CYP4X1: variants seen among roughly 807,000 people sequenced by gnomAD.
CYP4X1 encodes cytochrome P450 4X1.
CYP4X1 carries 44 observed loss-of-function variants against 57.9 expected under a neutral mutation model. The ratio of observed to expected loss-of-function variants is 0.76; its 90% CI spans 0.60 to 0.98. The LOEUF (loss-of-function observed/expected upper bound fraction) is 0.98, where lower values mean the gene tolerates loss of function less well. CYP4X1 is among the 50% of genes least tolerant of loss of function. The pLI is 0.00. For missense variants in CYP4X1, 532 were observed against 623.9 expected, an observed-to-expected ratio of 0.85 and a Z score of 1.57; for synonymous variants, 227 against 228.6, an observed-to-expected ratio of 0.99 and a Z score of 0.06.
chr1:47,005,921 C>T, the CYP4X1 span, among the ~76,000 whole-genome samples: 1 of 152,110 alleles, frequency 6.6e-6, no homozygotes, highest in Non-Finnish European at 1.5e-5. Context: ...GCTAAATCTC[C>T]TGAGTTATTG....
At chr1:47,002,578 C>T in the CYP4X1 span, among the ~76,000 whole-genome samples, 1 of 152,226 alleles carries the variant, frequency 6.6e-6, no homozygotes, top group Non-Finnish European at 1.5e-5. Context: ...CTTGTTTCTA[C>T]TGTTTACATC....
intron 1 of CYP4X1, among the ~76,000 whole-genome samples, chr1:47,028,981 C>A (rs903497405): frequency 2.0e-5 from 3 of 152,176 alleles, no homozygotes; most frequent in African/African-American, 7.2e-5. Flanking sequence ...GACTCTCAAC[C>A]TTTCAGTGGC....
rs1553152516 is a variant in CYP4X1 at position 47,036,370 on chromosome 1, T to TATATATATATATATATATATATATA, written c.775+199_775+200insATATATATATATATATATATATATA. Among the ~76,000 whole-genome samples the TATATATATATATATATATATATATA allele has an allele frequency of 3.2e-3, 410 of 129,712 alleles. 7 individuals are homozygous for TATATATATATATATATATATATATA. Among genetic ancestry groups the TATATATATATATATATATATATATA allele is most frequent in the East Asian group, 0.011 (30 of 2,786 alleles). 85.1% of individuals were successfully genotyped at this position (129,712 alleles called of 152,430 possible). The stretch of plus-strand genomic sequence containing the variant: ...AACCATAGCAGTATTATCAGAATTT[T>TATATATATATATATATATATATATA]TATATATATATATATACACTATTTT... On this transcript the variant is annotated intron_variant, in intron 6 of 11. Transcript: ENST00000371901.
chr1:46,965,997 C>T, the CYP4X1 span, among the ~76,000 whole-genome samples: 1 of 152,330 alleles, frequency 6.6e-6, no homozygotes, highest in African/African-American at 2.4e-5. Context: ...TCTGGCAAGG[C>T]AGCTGTGCTG....
At chr1:47,028,975 CT>C (rs1452091963) in intron 1 of CYP4X1, among the ~76,000 whole-genome samples, 1 of 152,216 alleles carries the variant, frequency 6.6e-6, no homozygotes, top group Non-Finnish European at 1.5e-5. Context: ...TTTCAAGACT[CT>C]CAACCTTTCA....
chr1:46,969,151 G>C, the CYP4X1 span, among the ~76,000 whole-genome samples: 58 of 152,230 alleles, frequency 3.8e-4, no homozygotes, highest in Non-Finnish European at 6.6e-4. Context: ...GTTCACAGGA[G>C]ATCTGGTTCT....
the CYP4X1 span, among the ~76,000 whole-genome samples, chr1:46,981,970 C>T: frequency 6.6e-6 from 1 of 152,012 alleles, no homozygotes; most frequent in Non-Finnish European, 1.5e-5. Flanking sequence ...CATCACACAC[C>T]AGGGCCTGTC....
chr1:47,008,496 C>T, the CYP4X1 span, among the ~76,000 whole-genome samples: 3 of 152,192 alleles, frequency 2.0e-5, no homozygotes, highest in Admixed American at 6.5e-5. Context: ...CCATCAAGGG[C>T]AGGAAAAAAC....
the CYP4X1 span, among the ~76,000 whole-genome samples, chr1:46,979,192 T>C: frequency 6.6e-6 from 1 of 152,060 alleles, no homozygotes; most frequent in African/African-American, 2.4e-5. Flanking sequence ...CAGGAGCTGG[T>C]TTTTTGAAAA....
the CYP4X1 span, among the ~76,000 whole-genome samples, chr1:47,009,835 C>T: frequency 2.0e-5 from 3 of 152,232 alleles, no homozygotes; most frequent in Admixed American, 6.5e-5. Flanking sequence ...TTCCTCGACA[C>T]ATACACCTTC....
the CYP4X1 span, among the ~76,000 whole-genome samples, chr1:47,000,556 A>C: frequency 6.6e-6 from 1 of 152,150 alleles, no homozygotes; most frequent in Non-Finnish European, 1.5e-5. Flanking sequence ...ATTATTTTAA[A>C]TCACTGAGGT....
chr1:47,038,266 GT>G (rs759720850), intron 6 of CYP4X1, among the ~76,000 whole-genome samples: 16 of 150,982 alleles, frequency 1.1e-4, no homozygotes, highest in African/African-American at 2.9e-4. Flanking sequence ...TTTTTGTTTT[GT>G]TTTTTTTCTC....
At chr1:47,053,367 A>G (rs1007045448), downstream of CYP4X1, among the ~76,000 whole-genome samples, 1 of 152,164 alleles carries the variant, frequency 6.6e-6, no homozygotes, top group Non-Finnish European at 1.5e-5. Flanking sequence ...GAATAGTGCC[A>G]TAATAAACAT....
chr1:46,974,910 G>A, the CYP4X1 span, among the ~76,000 whole-genome samples: 13 of 151,872 alleles, frequency 8.6e-5, no homozygotes, highest in South Asian at 8.3e-4. Context: ...GCCACTCTGT[G>A]CTTTTTAAAA....
Position 47,046,487 on chromosome 1 carries a change from C to T in CYP4X1, c.1094C>T (p.Ser365Leu), listed in dbSNP as rs1162018257. ...SITWDQLGEM[S>L]YTTMCIKETC... is the part of the protein sequence containing the mutation. ...CACAGGGACCAGCTGGGTGAGATGT[C>T]GTACACCACAATGTGCATCAAGGAG... is the stretch of plus-strand genomic sequence containing the variant. Residue 365 changes from serine to leucine, a missense_variant, in exon 9 of 12, where the codon TCG becomes TTG. By Grantham distance (145) the Ser-to-Leu change is moderately radical. Coordinates refer to ENST00000371901, the MANE Select transcript of CYP4X1 (RefSeq NM_178033.2). 7 of 1,614,018 alleles carry T rather than the reference C, an allele frequency of 4.3e-6. No individual in the cohort carries two copies. The highest frequency in any genetic ancestry group is 5.9e-6 in the Non-Finnish European group (7 of 1,180,032).
upstream of CYP4X1, among the ~76,000 whole-genome samples, chr1:47,022,448 G>A (rs139318767): frequency 8.2e-3 from 1,252 of 152,050 alleles, 14 homozygotes; most frequent in African/African-American, 0.028. Flanking sequence ...GCGCCACCAC[G>A]CCCAGCTAAT....
chr1:47,032,297 A>G (rs1339211013), intron 3 of CYP4X1, among the ~76,000 whole-genome samples: 2 of 152,200 alleles, frequency 1.3e-5, no homozygotes, highest in East Asian at 3.8e-4. Context: ...ATAGGCTTGT[A>G]TTAGGAACCA....
chr1:47,031,040 A>AC (rs528961183), intron 2 of CYP4X1, among the ~76,000 whole-genome samples: 177 of 152,304 alleles, frequency 1.2e-3, no homozygotes, highest in Non-Finnish European at 1.8e-3. Context: ...TCACAAAAAC[A>AC]CCAAGAGGCA....
chr1:47,024,768 C>T (rs913084263), intron 1 of CYP4X1, among the ~76,000 whole-genome samples: 3 of 152,082 alleles, frequency 2.0e-5, no homozygotes, highest in Non-Finnish European at 4.4e-5. Flanking sequence ...GTATACATCT[C>T]CGCCTAGAGA....
Sources: allele counts gnomAD v4.1 joint callset (sites outside exome capture counted in the v4.1 genomes callset), GRCh38; gene constraint gnomAD v4.1.1; transcripts MANE v1.5; gene names NCBI Gene and HGNC (gene_info 2026-07-23, HGNC 2026-07-21).